PCTP: variants seen among roughly 807,000 people sequenced by gnomAD.
PCTP encodes the protein START domain-containing protein 2.
In PCTP, 27 loss-of-function variants were observed where a neutral mutation model predicts 31.0. The ratio of observed to expected loss-of-function variants is 0.87; its 90% CI spans 0.64 to 1.20. The LOEUF (loss-of-function observed/expected upper bound fraction) is 1.20. PCTP is among the 50% of genes most tolerant of loss of function. The pLI, the probability that PCTP is intolerant of heterozygous loss-of-function variation, is 0.00. For synonymous variants in PCTP, 108 were observed against 101.2 expected (o/e 1.07, Z -0.40); for missense variants, 287 against 268.2 (o/e 1.07, Z -0.49).
intron 3 of PCTP, among the ~76,000 whole-genome samples, chr17:55,814,874 G>A (rs535243989): frequency 6.6e-6 from 1 of 152,340 alleles, no homozygotes; most frequent in East Asian, 1.9e-4. Flanking sequence ...AACTCTAGAA[G>A]ACAAGCGGAG....
intron 3 of PCTP, among the ~76,000 whole-genome samples, chr17:55,772,890 C>T (rs747297058): frequency 6.6e-6 from 1 of 152,184 alleles, no homozygotes; most frequent in Non-Finnish European, 1.5e-5. Context: ...CTTTTGTCAT[C>T]TGTAGTATGG....
intron 1 of PCTP, among the ~76,000 whole-genome samples, chr17:55,761,436 A>G (rs1241126040): frequency 2.6e-5 from 4 of 151,302 alleles, no homozygotes; most frequent in Non-Finnish European, 5.9e-5. Flanking sequence ...TCTTGGGATC[A>G]AGATATAGTG....
intron 3 of PCTP, among the ~76,000 whole-genome samples, chr17:55,807,306 T>C (rs1912606993): frequency 6.6e-6 from 1 of 152,196 alleles, no homozygotes; most frequent in Non-Finnish European, 1.5e-5. Context: ...TTTATAAAAC[T>C]AAACAACCCA....
At chr17:55,779,759 C>G (rs1191987988), downstream of PCTP, among the ~76,000 whole-genome samples, 1 of 152,194 alleles carries the variant, frequency 6.6e-6, no homozygotes, top group Non-Finnish European at 1.5e-5. Context: ...GCTTTAAGCC[C>G]TATTACTTTG....
intron 3 of PCTP, among the ~76,000 whole-genome samples, chr17:55,790,992 A>G (rs1242944707): frequency 6.6e-6 from 1 of 151,878 alleles, no homozygotes; most frequent in African/African-American, 2.4e-5. Flanking sequence ...GCCCTCAGAA[A>G]TAACGCCGCA....
chr17:55,835,645 A>C (rs561417428), intron 5 of PCTP, among the ~76,000 whole-genome samples: 1 of 152,122 alleles, frequency 6.6e-6, no homozygotes, highest in African/African-American at 2.4e-5. Context: ...GGTGATAAAA[A>C]CTCAGACATT....
intron 3 of PCTP, among the ~76,000 whole-genome samples, chr17:55,809,825 T>C (rs747578781): frequency 1.3e-5 from 2 of 152,010 alleles, no homozygotes; most frequent in African/African-American, 4.8e-5. Context: ...CTGGCCAGAG[T>C]GTTCTTATTT....
At position 55,822,765 on chromosome 17, in the gene PCTP, A is replaced by T; in HGVS notation, c.322A>T (p.Arg108Ter). The change falls in exon 4 of 4, where the codon AGA becomes TGA. Residue 108 changes from arginine to a stop codon, truncating the protein, a stop_gained. Transcript: ENST00000572536. LOFTEE classifies it low-confidence loss of function (END_TRUNC). The stretch of plus-strand genomic sequence containing the variant: ...TCTTTCCATTTGATTCTTTAGAATC[A>T]GAGCAGAACCAAGCGGGAAGCTCAG... The T allele has an allele frequency of 1.6e-6, 2 of 1,230,222 alleles. No homozygotes were observed. Among genetic ancestry groups the T allele is most frequent in the Non-Finnish European group, 2.0e-6 (2 of 987,650 alleles). The allele number at this position is 1,230,222 out of a possible 1,614,324, so 76.2% of individuals were successfully genotyped here.
In PCTP at chr17:55,771,143, C is replaced by T. The variant is rs1329343407; in HGVS notation, c.297C>T (p.Val99=). 1 of 1,613,514 alleles carries T rather than the reference C, an allele frequency of 6.2e-7. No homozygotes were observed. Among genetic ancestry groups the T allele is most frequent in the African/African-American group, 1.3e-5 (1 of 75,008 alleles). Residue 99 remains valine, a synonymous_variant, in exon 3 of 6, where the codon GTC becomes GTT. Coordinates refer to ENST00000268896, the MANE Select transcript of PCTP (RefSeq NM_021213.4). Reference sequence around the variant, plus strand: ...AAGAATGCAACGGAGAGACTGTGGTCTACTGGGAAGTGAAGTACCCTTTTC... The same window carrying T: ...AAGAATGCAACGGAGAGACTGTGGTTTACTGGGAAGTGAAGTACCCTTTTC... ...YEQECNGETV[V]YWEVKYPFPM...
In PCTP at chr17:55,773,738, G is replaced by T. The variant is rs776686535; in HGVS notation, c.354G>T (p.Arg118=). ...TGGCTATGCAGTATGTCTACCTTCGGCAGCGGCGAGACCTGGACATGGAAG... is the reference window on the plus strand; with the variant it reads ...TGGCTATGCAGTATGTCTACCTTCGTCAGCGGCGAGACCTGGACATGGAAG... ...PMSNRDYVYL[R]QRRDLDMEGR... The change falls in exon 4 of 6, where the codon CGG becomes CGT. Residue 118 remains arginine (R), a synonymous_variant. Transcript: ENST00000268896. The T allele has an allele frequency of 6.2e-7, 1 of 1,613,060 alleles. No individual in the cohort carries two copies. The highest frequency in any genetic ancestry group is 1.7e-5 in the Admixed American group (1 of 59,982).
Position 55,842,498 on chromosome 17 carries a change from A to G in PCTP, n.506-229A>G, listed in dbSNP as rs114672508. ...CCTAAGTTAATCAGAAAGAGACTGCAAAGAGCCAGGCTTTAGTTTAAAAAG... is the reference window on the plus strand; with the variant it reads ...CCTAAGTTAATCAGAAAGAGACTGCGAAGAGCCAGGCTTTAGTTTAAAAAG... On this transcript the variant is annotated intron_variant and non_coding_transcript_variant, in intron 5 of 5. Transcript: ENST00000576221. Among the ~76,000 whole-genome samples the G allele has an allele frequency of 5.2e-3, 787 of 152,332 alleles. 2 individuals are homozygous for G. The highest frequency in any genetic ancestry group is 0.018 in the African/African-American group (740 of 41,570).
chr17:55,800,766 C>T (rs944235592), intron 3 of PCTP, among the ~76,000 whole-genome samples: 7 of 152,186 alleles, frequency 4.6e-5, no homozygotes, highest in Non-Finnish European at 7.4e-5. Context: ...GTGGATTTAT[C>T]TACTTTTGGT....
At chr17:55,813,917 C>A (rs1912832267) in intron 3 of PCTP, among the ~76,000 whole-genome samples, 1 of 152,022 alleles carries the variant, frequency 6.6e-6, no homozygotes, top group Admixed American at 6.5e-5. Flanking sequence ...TGGCACATGC[C>A]TGTGGTTCCA....
At chr17:55,818,085 T>C (rs1230679141) in intron 3 of PCTP, among the ~76,000 whole-genome samples, 1 of 152,216 alleles carries the variant, frequency 6.6e-6, no homozygotes, top group African/African-American at 2.4e-5. Context: ...AGACTTTTCA[T>C]GAGAAACGAA....
Position 55,776,625 on chromosome 17 carries a change from T to C in PCTP, c.*525T>C, listed in dbSNP as rs1333142878. 1.6e-6 allele frequency: 2 copies of C among 1,230,586 alleles called. No homozygotes were observed. The highest frequency in any genetic ancestry group is 2.0e-6 in the Non-Finnish European group (2 of 987,812). 76.2% of individuals were successfully genotyped at this position (1,230,586 alleles called of 1,614,324 possible). A position where few individuals can be genotyped will look rare whatever the true frequency, so the allele number is the denominator to read the frequency against. ...GCACCCAAACTGGATGACGTGCCAATGTCCATTTGCCTTATGCTTTGTGGA... is the reference window on the plus strand; with the variant it reads ...GCACCCAAACTGGATGACGTGCCAACGTCCATTTGCCTTATGCTTTGTGGA... On this transcript the variant is annotated 3_prime_UTR_variant, in exon 6 of 6. Transcript: ENST00000268896.
chr17:55,845,838 C>T (rs111381457), downstream of PCTP, among the ~76,000 whole-genome samples: 47 of 150,866 alleles, frequency 3.1e-4, no homozygotes, highest in African/African-American at 9.3e-4. Flanking sequence ...TTTGGATCAA[C>T]AGCTTAGGAT....
At chr17:55,847,738 C>G (rs1021005362), downstream of PCTP, among the ~76,000 whole-genome samples, 5 of 152,146 alleles carry the variant, frequency 3.3e-5, no homozygotes, top group Non-Finnish European at 5.9e-5. Context: ...TCAAAGCAGT[C>G]AGACAGGAAG....
chr17:55,779,760 T>C (rs1453958345), downstream of PCTP, among the ~76,000 whole-genome samples: 1 of 152,212 alleles, frequency 6.6e-6, no homozygotes, highest in African/African-American at 2.4e-5. Flanking sequence ...CTTTAAGCCC[T>C]ATTACTTTGA....
intron 1 of PCTP, 26 bp downstream of exon 1, chr17:55,751,270 G>A: frequency 1.3e-6 from 2 of 1,527,898 alleles, no homozygotes; most frequent in Non-Finnish European, 8.8e-7. Flanking sequence ...CTGGAGGACC[G>A]CGGGGCCTAG....
Sources: gnomAD v4.1 joint callset for allele counts (sites outside exome capture counted in the v4.1 genomes callset) on GRCh38, gnomAD v4.1.1 for gene constraint, MANE v1.5 for transcripts, NCBI Gene and HGNC (gene_info 2026-07-23, HGNC 2026-07-21) for gene names.